The following JADE1 variants were observed in gnomAD, a reference collection of about 807,000 sequenced individuals.
The protein encoded by JADE1 is jade family PHD finger 1, also known as protein Jade-1.
In JADE1, 14 loss-of-function variants were observed where a neutral mutation model predicts 81.8. That is an observed-to-expected ratio of 0.17 (90% CI 0.11 to 0.27). The LOEUF is 0.27. Ranked by LOEUF, JADE1 falls within the 10% of genes least tolerant of loss-of-function variation. The pLI, the probability that JADE1 is intolerant of heterozygous loss-of-function variation, is 1.00. For missense variants in JADE1, 690 were observed against 1,047.9 expected, an observed-to-expected ratio of 0.66 and a Z score of 4.71; for synonymous variants, 353 against 391.9, an observed-to-expected ratio of 0.90 and a Z score of 1.17.
intron 1 of JADE1, chr4:128,827,974 C>T (rs1213290016): frequency 2.6e-6 from 2 of 772,558 alleles, no homozygotes; most frequent in African/African-American, 3.8e-5. Context: ...TTCTTCAGGA[C>T]TCAGCTCAGT....
chr4:128,814,469 A>T (rs1337616061), intron 1 of JADE1, among the ~76,000 whole-genome samples: 1 of 152,174 alleles, frequency 6.6e-6, no homozygotes, highest in African/African-American at 2.4e-5. Flanking sequence ...CCATCCATAG[A>T]TGACTACTGT....
chr4:128,852,919 C>CT (rs59763506), intron 6 of JADE1, among the ~76,000 whole-genome samples: 3,892 of 140,592 alleles, frequency 0.028, 110 homozygotes, highest in African/African-American at 0.082. Context: ...TGGTGGTCTT[C>CT]TTTTTTTTTT....
At chr4:128,833,087 G>A (rs56291821) in intron 2 of JADE1, among the ~76,000 whole-genome samples, 1,787 of 152,268 alleles carry the variant, frequency 0.012, 18 homozygotes, top group South Asian at 0.028. Flanking sequence ...GAGAGAGGGT[G>A]TAGGGGCTCC....
At chr4:128,819,259 G>C (rs1727330542) in intron 1 of JADE1, among the ~76,000 whole-genome samples, 1 of 123,100 alleles carries the variant, frequency 8.1e-6, no homozygotes, top group Non-Finnish European at 1.8e-5. Context: ...TTTTTGCCCA[G>C]GCTGGAGTGC....
intron 1 of JADE1, among the ~76,000 whole-genome samples, chr4:128,817,103 C>T (rs1394752801): frequency 6.6e-6 from 1 of 152,104 alleles, no homozygotes; most frequent in African/African-American, 2.4e-5. Flanking sequence ...AAGTGACCCA[C>T]CTACCTCGGC....
intron 2 of JADE1, among the ~76,000 whole-genome samples, chr4:128,834,533 T>TTC (rs1728815398): frequency 7.0e-6 from 1 of 143,588 alleles, no homozygotes; most frequent in African/African-American, 2.6e-5. Context: ...AATATTTCTT[T>TTC]TTTTTTTTTT....
intron 2 of JADE1, among the ~76,000 whole-genome samples, chr4:128,841,731 CTG>C (rs1175129863): frequency 1.3e-5 from 2 of 152,094 alleles, no homozygotes; most frequent in Non-Finnish European, 2.9e-5. Context: ...CTGGGTAAGA[CTG>C]TGGACATGGG....
In JADE1 at chr4:128,864,384, G is replaced by GATCT. The variant is rs1341115928; in HGVS notation, c.1503+2161_1503+2164dup. Reference sequence around the variant, plus strand: ...TGGTCTTGAACTCCTGACCTCAAGTGATCTACCTGTCTTGGCCTCCCAGAG... The same window carrying GATCT: ...TGGTCTTGAACTCCTGACCTCAAGTGATCTATCTACCTGTCTTGGCCTCCCAGAG... On this transcript the variant is annotated intron_variant, in intron 9 of 10. Transcript: ENST00000226319. 1.2e-5 allele frequency: 11 copies of GATCT among 912,200 alleles called. No homozygotes were observed. The African/African-American group carries it at 1.4e-4, about 12-fold the overall frequency. 56.5% of individuals were successfully genotyped at this position (912,200 alleles called of 1,614,324 possible). A position where few individuals can be genotyped will look rare whatever the true frequency, so the allele number is the denominator to read the frequency against.
intron 1 of JADE1, among the ~76,000 whole-genome samples, chr4:128,816,928 G>C (rs1263886960): frequency 6.6e-6 from 1 of 151,700 alleles, no homozygotes; most frequent in African/African-American, 2.4e-5. Context: ...ACCCAGGGTG[G>C]AGTGCAGTGG....
chr4:128,872,443 A>G lies in JADE1; in HGVS notation c.*181A>G, dbSNP rs939218645. ...ATCATTTTTGTGAGAAGTTTGTGTT[A>G]TTTGCAACTTGTTGAGGAAACAGAA... On this transcript the variant is annotated 3_prime_UTR_variant, in exon 11 of 11. Transcript: ENST00000226319. 27 of 599,140 alleles carry G rather than the reference A, an allele frequency of 4.5e-5. No homozygotes were observed. The African/African-American group carries it at 4.6e-4, about 10-fold the overall frequency. 37.1% of individuals were successfully genotyped at this position (599,140 alleles called of 1,614,324 possible). A position where few individuals can be genotyped will look rare whatever the true frequency, so the allele number is the denominator to read the frequency against.
At chr4:128,868,134 A>C (rs1392441159) in intron 10 of JADE1, among the ~76,000 whole-genome samples, 161 bp downstream of exon 10, 1 of 152,238 alleles carries the variant, frequency 6.6e-6, no homozygotes, top group African/African-American at 2.4e-5. Flanking sequence ...CATCATGTTT[A>C]AGGGAAAAAG....
At position 128,861,778 on chromosome 4, in the gene JADE1, C is replaced by T. The variant is rs146840378; in HGVS notation, c.1056C>T (p.Ile352=). The T allele has an allele frequency of 4.3e-6, 7 of 1,614,122 alleles. No individual in the cohort carries two copies. Among genetic ancestry groups the T allele is most frequent in the Non-Finnish European group, 5.9e-6 (7 of 1,180,048 alleles). ...AFDRGLEMKT[I]LAENDEVKFK... ...ACCGGGGCCTGGAGATGAAGACCAT[C>T]TTAGCAGAGAATGATGAAGTCAAGT... The change falls in exon 9 of 11, where the codon ATC becomes ATT. Residue 352 remains isoleucine, a synonymous_variant. Coordinates refer to ENST00000226319, the MANE Select transcript of JADE1 (RefSeq NM_199320.4).
intron 9 of JADE1, chr4:128,864,520 G>A: frequency 1.0e-6 from 1 of 985,340 alleles, no homozygotes; most frequent in Non-Finnish European, 1.2e-6. Flanking sequence ...GATGGTGAAG[G>A]CATTAAACAA....
At position 128,871,438 on chromosome 4, in the gene JADE1, A is replaced by G. The variant is rs1732188295; in HGVS notation, c.1705A>G (p.Ile569Val). 1 of 1,614,172 alleles carries G rather than the reference A, an allele frequency of 6.2e-7. No individual in the cohort carries two copies. Among genetic ancestry groups the G allele is most frequent in the African/African-American group, 1.3e-5 (1 of 75,036 alleles). Residue 569 changes from isoleucine (I) to valine (V), a missense_variant, in exon 11 of 11, where the codon ATA becomes GTA. Coordinates refer to ENST00000226319, the MANE Select transcript of JADE1 (RefSeq NM_199320.4). The surrounding 1 kb of genome is among the most constrained non-coding windows in gnomAD (Gnocchi z 4.1). ...TTCTGTTGGCCCTGATGCTCCCAAG[A>G]TAGAGGACTTGAAGTGGCATTCTGC... Reference protein sequence around the residue: ...SPSVGPDAPKIEDLKWHSAFF... With the variant: ...SPSVGPDAPKVEDLKWHSAFF...
chr4:128,824,387 C>T (rs1465888563), intron 1 of JADE1, among the ~76,000 whole-genome samples: 2 of 151,960 alleles, frequency 1.3e-5, no homozygotes, highest in African/African-American at 2.4e-5. Flanking sequence ...CATTGCACTC[C>T]AGCCTAGGTG....
chr4:128,831,597 A>G, intron 1 of JADE1, 136 bp from the exon 2 acceptor site: 1 of 696,156 alleles, frequency 1.4e-6, no homozygotes, highest in Non-Finnish European at 2.5e-6. Flanking sequence ...TGGTCTTTTT[A>G]CTGTTTACAA....
intron 9 of JADE1, chr4:128,863,188 A>C: frequency 1.0e-6 from 1 of 985,544 alleles, no homozygotes. Flanking sequence ...TTCCTGCTAC[A>C]GGAATAATGA....
intron 1 of JADE1, among the ~76,000 whole-genome samples, chr4:128,818,974 C>T (rs1727302254): frequency 6.6e-6 from 1 of 151,966 alleles, no homozygotes; most frequent in Non-Finnish European, 1.5e-5. Context: ...GGACTGCAGG[C>T]ATCCCACACC....
intron 2 of JADE1, among the ~76,000 whole-genome samples, chr4:128,832,606 A>G (rs917866067): frequency 6.6e-6 from 1 of 152,242 alleles, no homozygotes; most frequent in Non-Finnish European, 1.5e-5. Flanking sequence ...ATATGTAAGA[A>G]GAGCTCTGAT....
Sources: allele counts gnomAD v4.1 joint callset (sites outside exome capture counted in the v4.1 genomes callset), GRCh38; gene constraint gnomAD v4.1.1; non-coding constraint Gnocchi (gnomAD v3.1); transcripts MANE v1.5; gene names NCBI Gene and HGNC (gene_info 2026-07-23, HGNC 2026-07-21).